The following ITPR1 variants were observed in gnomAD, a reference collection of about 807,000 sequenced individuals.
ITPR1 encodes the protein inositol 1,4,5-trisphosphate receptor type 1.
In ITPR1, 96 loss-of-function variants were observed where a neutral mutation model predicts 318.4. The ratio of observed to expected loss-of-function variants is 0.30; its 90% CI spans 0.26 to 0.36. ITPR1 has a LOEUF of 0.36. Among genes scored for constraint, ITPR1 ranks in the 10% least tolerant of loss-of-function variants. The pLI is 1.00. For synonymous variants in ITPR1, 1,312 were observed against 1,289.9 expected, an observed-to-expected ratio of 1.02 and a Z score of -0.37; for missense variants, 2,440 against 3,460.2, an observed-to-expected ratio of 0.71 and a Z score of 7.40.
Position 4,788,078 on chromosome 3 carries a change from T to C in ITPR1, c.6747T>C (p.Asn2249=). The C allele has an allele frequency of 3.1e-6, 5 of 1,611,498 alleles. No individual in the cohort carries two copies. The highest frequency in any genetic ancestry group is 4.2e-6 in the Non-Finnish European group (5 of 1,178,762). Residue 2249 remains asparagine (N), a synonymous_variant, in exon 52 of 62, where the codon AAT becomes AAC. Transcript: ENST00000649015. ...TERDEQGSKI[N]DFFLRSEDLF... is the part of the protein sequence containing the mutation. ...GAGACGAACAAGGCAGCAAAATCAA[T>C]GATTTCTTTCTGCGGTCTGAAGACC...
Position 4,753,620 on chromosome 3 carries a change from G to A in ITPR1, c.5545-12910G>A, listed in dbSNP as rs75621009. Among the ~76,000 whole-genome samples the A allele has an allele frequency of 9.2e-3, 1,403 of 152,194 alleles. 19 individuals are homozygous for A. The highest frequency in any genetic ancestry group is 0.032 in the African/African-American group (1,334 of 41,506). The stretch of plus-strand genomic sequence containing the variant: ...AGTCAGTTGAGTTGGGAAGGACTAG[G>A]GTTGACTGGGGGTGACTGCAGTCTT... On this transcript the variant is annotated intron_variant, in intron 44 of 61. Transcript: ENST00000649015.
rs1461352970 is a variant in ITPR1 at position 4,787,989 on chromosome 3, G to A, written c.6658G>A (p.Val2220Met). Residue 2220 changes from valine (V) to methionine (M), a missense_variant, in exon 52 of 62, where the codon GTG becomes ATG. Physicochemically the swap from Val to Met is conservative, Grantham distance 21 (BLOSUM62 1). Around this residue, in one of 23 missense-constraint regions of ITPR1, gnomAD observed 115 missense variants for 204.5 expected, o/e 0.56. Transcript: ENST00000649015. The stretch of plus-strand genomic sequence containing the variant: ...AACAATGGAACAGATAGTCTTTCCC[G>A]TGCCCAGCATATGTGAATTCCTAAC... Reference protein sequence around the residue: ...DRTMEQIVFPVPSICEFLTKE... With the variant: ...DRTMEQIVFPMPSICEFLTKE... 1 of 1,612,308 alleles carries A rather than the reference G, an allele frequency of 6.2e-7. No homozygotes were observed. Among genetic ancestry groups the A allele is most frequent in the Non-Finnish European group, 8.5e-7 (1 of 1,179,108 alleles).
At chr3:4,599,314 G>A (rs1402481935) in intron 4 of ITPR1, among the ~76,000 whole-genome samples, 2 of 152,194 alleles carry the variant, frequency 1.3e-5, no homozygotes, top group African/African-American at 4.8e-5. Flanking sequence ...GCTGACTCCT[G>A]CTCACGCTTG....
intron 4 of ITPR1, among the ~76,000 whole-genome samples, chr3:4,535,209 T>G (rs1269495888): frequency 6.6e-6 from 1 of 152,134 alleles, no homozygotes; most frequent in East Asian, 1.9e-4. Context: ...TTACTTCTTT[T>G]AAAAATGTTA....
chr3:4,710,216 TA>T lies in ITPR1; in HGVS notation c.4843-107del. The T allele has an allele frequency of 9.3e-7, 1 of 1,070,786 alleles. No homozygotes were observed. The highest frequency in any genetic ancestry group is 1.3e-6 in the Non-Finnish European group (1 of 795,440). The allele number at this position is 1,070,786 out of a possible 1,614,324, so 66.3% of individuals were successfully genotyped here. A position where few individuals can be genotyped will look rare whatever the true frequency, so the allele number is the denominator to read the frequency against. Reference sequence around the variant, plus strand: ...ATGCCAGACGGTACTAAAGTTACTCTAACCTAGCCTACCCGTGCATCAGTGT... The same window carrying T: ...ATGCCAGACGGTACTAAAGTTACTCTACCTAGCCTACCCGTGCATCAGTGT... On this transcript the variant is annotated intron_variant, in intron 37 of 61. Coordinates refer to ENST00000649015, the MANE Select transcript of ITPR1 (RefSeq NM_001378452.1). This position sits in a 1 kb window ranked among gnomAD's most constrained non-coding sequence, Gnocchi z 4.2.
At chr3:4,742,794 G>A (rs1158613377) in intron 44 of ITPR1, among the ~76,000 whole-genome samples, 3 of 152,036 alleles carry the variant, frequency 2.0e-5, no homozygotes, top group Non-Finnish European at 4.4e-5. Flanking sequence ...TTAAATACAT[G>A]CTGTATTTTG....
chr3:4,833,178 A>G (rs1351873991), intron 60 of ITPR1, among the ~76,000 whole-genome samples: 1 of 152,260 alleles, frequency 6.6e-6, no homozygotes, highest in Non-Finnish European at 1.5e-5. Flanking sequence ...TTATTTGTTC[A>G]AAGACCCTTC....
At chr3:4,592,606 C>G (rs1347087349) in intron 4 of ITPR1, among the ~76,000 whole-genome samples, 2 of 152,130 alleles carry the variant, frequency 1.3e-5, no homozygotes, top group Admixed American at 6.6e-5. Flanking sequence ...GTCTGACACC[C>G]TCTCCATGTT....
At chr3:4,774,397 A>T (rs964402344) in intron 46 of ITPR1, among the ~76,000 whole-genome samples, 2 of 152,254 alleles carry the variant, frequency 1.3e-5, no homozygotes, top group Admixed American at 1.3e-4. Flanking sequence ...TACTGGGTCA[A>T]AGATCATGTC....
intron 44 of ITPR1, among the ~76,000 whole-genome samples, chr3:4,760,102 G>T (rs549595103): frequency 1.3e-5 from 2 of 152,266 alleles, no homozygotes; most frequent in Non-Finnish European, 2.9e-5. Context: ...TCGGTTCAAC[G>T]TGCAGATGGG....
intron 43 of ITPR1, among the ~76,000 whole-genome samples, chr3:4,734,410 C>T (rs6792995): frequency 0.14 from 21,191 of 152,188 alleles, 1,551 homozygotes; most frequent in Admixed American, 0.16. Flanking sequence ...AAGTCAAGGA[C>T]AAGCAGCATA....
chr3:4,646,646 G>A (rs2093464846), intron 10 of ITPR1, among the ~76,000 whole-genome samples: 1 of 152,174 alleles, frequency 6.6e-6, no homozygotes, highest in Admixed American at 6.5e-5. Flanking sequence ...ACTTAAAGAA[G>A]CTAGAAGATT....
intron 51 of ITPR1, among the ~76,000 whole-genome samples, chr3:4,786,387 A>AC (rs2047199800): frequency 6.6e-6 from 1 of 152,050 alleles, no homozygotes. Context: ...TAAAGACCAC[A>AC]CCCCCCAGAA....
chr3:4,569,541 C>G (rs1418361669), intron 4 of ITPR1, among the ~76,000 whole-genome samples: 1 of 152,176 alleles, frequency 6.6e-6, no homozygotes, highest in Non-Finnish European at 1.5e-5. Context: ...CATCCATAAA[C>G]TAAAGCCTCT....
chr3:4,545,472 A>G (rs972750892), intron 4 of ITPR1, among the ~76,000 whole-genome samples: 27 of 151,954 alleles, frequency 1.8e-4, no homozygotes, highest in Admixed American at 6.6e-4. Context: ...AAAATAGAAT[A>G]ATTTGTTGGG....
intron 44 of ITPR1, among the ~76,000 whole-genome samples, chr3:4,739,433 G>C (rs942744421): frequency 3.9e-5 from 6 of 152,184 alleles, no homozygotes; most frequent in African/African-American, 1.4e-4. Flanking sequence ...CAGGGAAGCA[G>C]GCAGGCCTAC....
intron 45 of ITPR1, 141 bp from the exon 46 acceptor site, chr3:4,768,370 T>C (rs991522210): frequency 4.2e-6 from 4 of 951,770 alleles, no homozygotes; most frequent in African/African-American, 3.3e-5. Flanking sequence ...TGAGAGCAGA[T>C]TGTGACTTCT....
intron 31 of ITPR1, 149 bp from the exon 32 acceptor site, chr3:4,690,995 A>G (rs2094471398): frequency 2.0e-6 from 1 of 507,270 alleles, no homozygotes. Flanking sequence ...AGAAGGTAGT[A>G]CAGAAGCAAG....
At chr3:4,672,648 T>G (rs1023388682) in intron 20 of ITPR1, among the ~76,000 whole-genome samples, 3 of 152,252 alleles carry the variant, frequency 2.0e-5, no homozygotes, top group African/African-American at 7.2e-5. Flanking sequence ...AAATGTTTTT[T>G]TACACGTGTA....
Sources: allele counts gnomAD v4.1 joint callset (sites outside exome capture counted in the v4.1 genomes callset), GRCh38; gene constraint gnomAD v4.1.1; regional missense constraint gnomAD v4.1.1; non-coding constraint Gnocchi (gnomAD v3.1); transcripts MANE v1.5; gene names NCBI Gene and HGNC (gene_info 2026-07-23, HGNC 2026-07-21).